KDM4C: variants seen among roughly 807,000 people sequenced by gnomAD.
The protein encoded by KDM4C is lysine demethylase 4C.
A neutral mutation model predicts 129.3 loss-of-function variants in KDM4C; 81 were observed. The ratio of observed to expected loss-of-function variants is 0.63; its 90% confidence interval spans 0.52 to 0.75. The LOEUF (loss-of-function observed/expected upper bound fraction) is 0.75. Among genes scored for constraint, KDM4C ranks in the 30% least tolerant of loss-of-function variants. The pLI is 0.00. For missense variants in KDM4C, 1,457 were observed against 1,304.0 expected, an observed-to-expected ratio of 1.12 and a Z score of -1.81; for synonymous variants, 573 against 456.1, an observed-to-expected ratio of 1.26 and a Z score of -3.26.
At chr9:6,850,911 C>T (rs1460872839) in intron 5 of KDM4C, among the ~76,000 whole-genome samples, 1 of 151,416 alleles carries the variant, frequency 6.6e-6, no homozygotes, top group Non-Finnish European at 1.5e-5. Flanking sequence ...TGTGCCACCA[C>T]GCCTGGCTAA....
intron 8 of KDM4C, among the ~76,000 whole-genome samples, chr9:6,919,843 AG>A (rs2131188593): frequency 6.6e-6 from 1 of 152,052 alleles, no homozygotes; most frequent in Non-Finnish European, 1.5e-5. Context: ...CCAAAGTGCT[AG>A]GATTATAGGT....
rs373205788 is a variant in KDM4C, at chr9:7,005,547, C to G, written c.1787-6151C>G. Among the ~76,000 whole-genome samples the G allele has an allele frequency of 4.0e-5, 6 of 151,054 alleles. No homozygotes were observed. In the East Asian group the frequency reaches 9.6e-4, roughly 24 times the overall value. Reference sequence around the variant, plus strand: ...ACTAAAGGTAAGGGGACTAGGCTGCCTTCAGCCAGATTTATTACCGAAATT... The same window carrying G: ...ACTAAAGGTAAGGGGACTAGGCTGCGTTCAGCCAGATTTATTACCGAAATT... On this transcript the variant is annotated intron_variant, in intron 12 of 21. Coordinates refer to ENST00000381309, the MANE Select transcript of KDM4C (RefSeq NM_015061.6).
At chr9:6,969,188 T>C (rs979869500) in intron 8 of KDM4C, among the ~76,000 whole-genome samples, 78 of 152,280 alleles carry the variant, frequency 5.1e-4, no homozygotes, top group African/African-American at 1.8e-3. Context: ...TGCCTGCGTC[T>C]GCCTCCCAAA....
intron 12 of KDM4C, among the ~76,000 whole-genome samples, chr9:7,001,257 A>G (rs1447165375): frequency 6.6e-6 from 1 of 152,106 alleles, no homozygotes; most frequent in Non-Finnish European, 1.5e-5. Flanking sequence ...TTTTACAGAG[A>G]TTTTTGTTGT....
At chr9:6,979,635 G>A (rs1435908532) in intron 8 of KDM4C, among the ~76,000 whole-genome samples, 1 of 152,148 alleles carries the variant, frequency 6.6e-6, no homozygotes, top group Admixed American at 6.5e-5. Flanking sequence ...ATGAAAGATT[G>A]TAAGAGATTT....
At chr9:6,949,415 C>G (rs953503782) in intron 8 of KDM4C, among the ~76,000 whole-genome samples, 1 of 151,778 alleles carries the variant, frequency 6.6e-6, no homozygotes, top group Non-Finnish European at 1.5e-5. Flanking sequence ...CAGGCAGAGA[C>G]GTTCCTCACT....
At chr9:7,004,580 A>G (rs559132696) in intron 12 of KDM4C, among the ~76,000 whole-genome samples, 1 of 152,326 alleles carries the variant, frequency 6.6e-6, no homozygotes, top group African/African-American at 2.4e-5. Context: ...TTATATAGCT[A>G]TGCCATAATT....
intron 1 of KDM4C, among the ~76,000 whole-genome samples, chr9:6,750,448 A>G (rs562777222): frequency 1.3e-5 from 2 of 152,046 alleles, no homozygotes; most frequent in East Asian, 3.9e-4. Flanking sequence ...CAAAAAAAAA[A>G]AAAAAGCTCT....
At chr9:6,769,777 A>G (rs890551665) in intron 1 of KDM4C, among the ~76,000 whole-genome samples, 2 of 152,238 alleles carry the variant, frequency 1.3e-5, no homozygotes, top group Non-Finnish European at 2.9e-5. Flanking sequence ...CAATGGACAC[A>G]TTTGTTTTGC....
intron 19 of KDM4C, among the ~76,000 whole-genome samples, chr9:7,132,338 G>T (rs115880586): frequency 6.6e-6 from 1 of 152,104 alleles, no homozygotes; most frequent in Non-Finnish European, 1.5e-5. Context: ...ATTTTGGCAG[G>T]CGTTAAAAAT....
At chr9:7,052,909 G>GAGAGAGAGAGAGAGAGAGAGAGA (rs767668455) in intron 17 of KDM4C, among the ~76,000 whole-genome samples, 6 of 100,148 alleles carry the variant, frequency 6.0e-5, no homozygotes, top group Non-Finnish European at 7.7e-5. Flanking sequence ...GAGCGAGCGA[G>GAGAGAGAGAGAGAGAGAGAGAGA]TGCCCAAGGG....
intron 6 of KDM4C, 65 bp from the exon 7 acceptor site, chr9:6,887,893 TAA>T (rs1337978135): frequency 2.1e-6 from 2 of 965,024 alleles, no homozygotes; most frequent in Non-Finnish European, 3.4e-6. Context: ...ACTTACACAT[TAA>T]AAAACCTATT....
intron 15 of KDM4C, among the ~76,000 whole-genome samples, chr9:7,034,633 A>C (rs566170708): frequency 6.6e-6 from 1 of 152,210 alleles, no homozygotes; most frequent in Non-Finnish European, 1.5e-5. Context: ...TACAGTAAAC[A>C]TAGAGGGGGC....
chr9:7,043,424 G>A (rs946243882), intron 15 of KDM4C, among the ~76,000 whole-genome samples: 3 of 151,958 alleles, frequency 2.0e-5, no homozygotes, highest in African/African-American at 7.2e-5. Flanking sequence ...TTGAGTGAGA[G>A]TTAACCTGTT....
At chr9:7,061,651 G>T (rs544711718) in intron 17 of KDM4C, among the ~76,000 whole-genome samples, 1 of 152,358 alleles carries the variant, frequency 6.6e-6, no homozygotes, top group South Asian at 2.1e-4. Context: ...AGGCAGGAGG[G>T]CAGGTGGTCT....
At chr9:7,071,876 A>G (rs774837072) in intron 17 of KDM4C, among the ~76,000 whole-genome samples, 18 of 152,320 alleles carry the variant, frequency 1.2e-4, no homozygotes, top group Non-Finnish European at 2.4e-4. Flanking sequence ...ACACTGTTTG[A>G]GAAGCCACAG....
At chr9:7,117,881 C>T (rs1475499587) in intron 18 of KDM4C, among the ~76,000 whole-genome samples, 1 of 152,154 alleles carries the variant, frequency 6.6e-6, no homozygotes, top group African/African-American at 2.4e-5. Flanking sequence ...AGCAGTGGCC[C>T]ACTACCAGCT....
At chr9:6,727,896 T>G (rs887586423) in intron 1 of KDM4C, among the ~76,000 whole-genome samples, 1 of 151,452 alleles carries the variant, frequency 6.6e-6, no homozygotes, top group Non-Finnish European at 1.5e-5. Flanking sequence ...ATTCACCCAG[T>G]AAACCCCAAA....
At chr9:7,152,578 CAG>C (rs1279726044) in intron 19 of KDM4C, among the ~76,000 whole-genome samples, 1 of 152,128 alleles carries the variant, frequency 6.6e-6, no homozygotes, top group Non-Finnish European at 1.5e-5. Flanking sequence ...TTAATGAGTG[CAG>C]AGTTTCTGTT....
Sources: gnomAD v4.1 joint callset for allele counts (sites outside exome capture counted in the v4.1 genomes callset) on GRCh38, gnomAD v4.1.1 for gene constraint, MANE v1.5 for transcripts, NCBI Gene and HGNC (gene_info 2026-07-23, HGNC 2026-07-21) for gene names.